The following VIM variants were observed in gnomAD, a reference collection of about 807,000 sequenced individuals.
The protein encoded by VIM is epididymis secretory sperm binding protein.
In VIM, 18 loss-of-function variants were observed where a neutral mutation model predicts 50.3. The ratio of observed to expected loss-of-function variants is 0.36; its 90% CI spans 0.25 to 0.53. VIM has a LOEUF of 0.53. VIM is among the 20% of genes least tolerant of loss of function. The probability of loss-of-function intolerance (pLI) is 0.91; values close to 1 mark genes in which losing one functional copy is unlikely to be tolerated. For synonymous variants in VIM, 245 were observed against 248.5 expected, an observed-to-expected ratio of 0.99 and a Z score of 0.13; for missense variants, 551 against 614.7, an observed-to-expected ratio of 0.90 and a Z score of 1.10.
chr10:17,234,541 A>G, intron 5 of VIM, 152 bp from the exon 6 acceptor site: 3 of 1,069,174 alleles, frequency 2.8e-6, no homozygotes, highest in Non-Finnish European at 4.1e-6. Flanking sequence ...GAAAATACTA[A>G]TGTCAGTACT....
chr10:17,234,821 G>A lies in VIM; in HGVS notation c.1008+3G>A. 3.1e-6 allele frequency: 5 copies of A among 1,614,106 alleles called. No individual in the cohort carries two copies. The highest frequency in any genetic ancestry group is 1.1e-5 in the South Asian group (1 of 91,080). ...AAGTGGATGCCCTTAAAGGAACCGT[G>A]AGTACCAACCCTGCAGTAAAAGAGG... On this transcript the variant is annotated splice_donor_region_variant and intron_variant, in intron 6 of 9. Transcript: ENST00000544301.
intron 6 of VIM, 137 bp downstream of exon 6, chr10:17,234,955 A>C (rs1846861580): frequency 2.2e-6 from 3 of 1,371,884 alleles, no homozygotes; most frequent in Non-Finnish European, 3.0e-6. Context: ...ATCAAGACAG[A>C]CTCAAAAGGG....
chr10:17,230,051 C>T, intron 2 of VIM, 66 bp downstream of exon 2: 3 of 1,513,280 alleles, frequency 2.0e-6, no homozygotes, highest in Non-Finnish European at 1.8e-6. Flanking sequence ...GGAACGCCCC[C>T]CCGGCCCCCG....
At chr10:17,235,527 GAATTTGAATTGAGAGAGAGTAAGTGA>G in intron 7 of VIM, 138 bp downstream of exon 7, 1 of 952,096 alleles carries the variant, frequency 1.1e-6, no homozygotes, top group Non-Finnish European at 1.6e-6. Context: ...TGTAGAGGAG[GAATTTGAATTGAGAGAGAGTAAGTGA>G]CTTGCTGAAA....
At chr10:17,230,441 G>C in intron 2 of VIM, 1 of 677,788 alleles carries the variant, frequency 1.5e-6, no homozygotes. Context: ...CTGTAGGTCT[G>C]TGCGGCCACC....
Position 17,233,612 on chromosome 10 carries a change from G to A in VIM, c.650G>A (p.Arg217His), listed in dbSNP as rs762391438. ...GATGTTGACAATGCGTCTCTGGCAC[G>A]TCTTGACCTTGAACGCAAAGTGGAA... ...RQDVDNASLA[R>H]LDLERKVESL... The change falls in exon 4 of 10, where the codon CGT (arginine) becomes CAT (histidine). Residue 217 changes from arginine to histidine, a missense_variant. Physicochemically the swap from Arg to His is conservative, Grantham distance 29. Coordinates refer to ENST00000544301, the MANE Select transcript of VIM (RefSeq NM_003380.5). The A allele has an allele frequency of 1.3e-5, 21 of 1,614,002 alleles. No homozygotes were observed. The highest frequency in any genetic ancestry group is 6.7e-5 in the East Asian group (3 of 44,892).
Position 17,236,376 on chromosome 10 carries a change from A to G in VIM, c.1356A>G (p.Gly452=). The change falls in exon 9 of 10, where the codon GGA becomes GGG. Residue 452 remains glycine, a synonymous_variant. Coordinates refer to ENST00000544301, the MANE Select transcript of VIM (RefSeq NM_003380.5). ...TTAAGACGGTTGAAACTAGAGATGG[A>G]CAGGTTGGTATCTTTTAAGGAAAAA... ...LLIKTVETRD[G]QVINETSQHH... 6.2e-7 allele frequency: 1 copy of G among 1,610,128 alleles called. No homozygotes were observed. Among genetic ancestry groups the G allele is most frequent in the Non-Finnish European group, 8.5e-7 (1 of 1,176,412 alleles).
At chr10:17,234,543 G>A (rs1208753259) in intron 5 of VIM, 150 bp from the exon 6 acceptor site, 2 of 1,092,312 alleles carry the variant, frequency 1.8e-6, no homozygotes, top group Non-Finnish European at 2.7e-6. Flanking sequence ...AAATACTAAT[G>A]TCAGTACTCC....
chr10:17,230,316 T>G lies in VIM; in HGVS notation c.563+331T>G, dbSNP rs915840202. On this transcript the variant is annotated intron_variant, in intron 2 of 9. Transcript: ENST00000544301. ...CAGTCCTCCAAACTTTCAGAAAGTTTCCTGCCCCTTCTGGCAGGCTGCCAA... is the reference window on the plus strand; with the variant it reads ...CAGTCCTCCAAACTTTCAGAAAGTTGCCTGCCCCTTCTGGCAGGCTGCCAA... 1.2e-5 allele frequency: 7 copies of G among 567,488 alleles called. No individual in the cohort carries two copies. The African/African-American group carries it at 1.3e-4, about 11-fold the overall frequency. The allele number at this position is 567,488 out of a possible 1,614,324, so 35.2% of individuals were successfully genotyped here. A position where few individuals can be genotyped will look rare whatever the true frequency, so the allele number is the denominator to read the frequency against.
chr10:17,230,817 G>C, intron 3 of VIM, 107 bp downstream of exon 3: 1 of 1,323,094 alleles, frequency 7.6e-7, no homozygotes, highest in Non-Finnish European at 1.1e-6. Flanking sequence ...AAAACTTCAG[G>C]GCTGCGCGTA....
chr10:17,236,461 T>C (rs1846891212), intron 9 of VIM, 82 bp downstream of exon 9: 4 of 1,182,010 alleles, frequency 3.4e-6, no homozygotes, highest in Admixed American at 1.7e-5. Context: ...GAATCTCAGA[T>C]ACAGCTGGCT....
At position 17,229,568 on chromosome 10, in the gene VIM, G is replaced by A. The variant is rs1312761190; in HGVS notation, c.146G>A (p.Ser49Asn). The change falls in exon 2 of 10, where the codon AGC becomes AAC. Residue 49 changes from serine (S) to asparagine (N), a missense_variant. Ser to Asn is a conservative substitution (Grantham distance 46). This residue lies in a region of VIM where 134 missense variants were observed against 126.4 expected (regional missense o/e 1.06). Transcript: ENST00000544301. The part of the protein sequence containing the change: ...SLGSALRPST[S>N]RSLYASSPGG... ...GGCAGCGCGCTGCGCCCCAGCACCAGCCGCAGCCTCTACGCCTCGTCCCCG... is the reference window on the plus strand; with the variant it reads ...GGCAGCGCGCTGCGCCCCAGCACCAACCGCAGCCTCTACGCCTCGTCCCCG... 6.2e-7 allele frequency: 1 copy of A among 1,608,906 alleles called. No individual in the cohort carries two copies. Among genetic ancestry groups the A allele is most frequent in the Non-Finnish European group, 8.5e-7 (1 of 1,178,694 alleles).
chr10:17,236,256 C>T, intron 8 of VIM, 38 bp from the exon 9 acceptor site: 1 of 1,489,108 alleles, frequency 6.7e-7, no homozygotes, highest in Non-Finnish European at 9.4e-7. Context: ...CAAGAAAAAA[C>T]TCGTTTTTAC....
intron 3 of VIM, among the ~76,000 whole-genome samples, chr10:17,231,330 G>T (rs1846793532): frequency 6.9e-6 from 1 of 145,854 alleles, no homozygotes; most frequent in African/African-American, 2.4e-5. Context: ...GTATCACTAT[G>T]CACAACTATT....
intron 6 of VIM, 135 bp from the exon 7 acceptor site, chr10:17,235,034 C>T (rs1289842013): frequency 2.0e-5 from 24 of 1,188,494 alleles, no homozygotes; most frequent in Middle Eastern, 2.7e-4. Flanking sequence ...ACTTGGTACT[C>T]GCATTCTCCA....
chr10:17,236,082 C>G, intron 8 of VIM, 193 bp downstream of exon 8: 4 of 722,626 alleles, frequency 5.5e-6, no homozygotes, highest in Non-Finnish European at 9.4e-6. Context: ...CTCCTTTTTC[C>G]TTCTTCCTGC....
chr10:17,232,190 G>C (rs1204779622), intron 3 of VIM, among the ~76,000 whole-genome samples: 1 of 151,946 alleles, frequency 6.6e-6, no homozygotes, highest in Admixed American at 6.6e-5. Flanking sequence ...TATTTTTCAG[G>C]GCTTAACAAG....
chr10:17,232,832 A>G (rs1846819882), intron 3 of VIM, among the ~76,000 whole-genome samples: 2 of 152,274 alleles, frequency 1.3e-5, no homozygotes, highest in Admixed American at 6.5e-5. Flanking sequence ...TCAAGTGTAC[A>G]TGAAGTTGTG....
chr10:17,230,547 C>T (rs989288081), intron 2 of VIM, 103 bp from the exon 3 acceptor site: 2 of 1,319,120 alleles, frequency 1.5e-6, no homozygotes, highest in Non-Finnish European at 2.2e-6. Flanking sequence ...GGAGGTGGCG[C>T]AGCTGCTCTG....
Sources: gnomAD v4.1 joint callset for allele counts (sites outside exome capture counted in the v4.1 genomes callset) on GRCh38, gnomAD v4.1.1 for gene constraint, gnomAD v4.1.1 regional missense constraint, MANE v1.5 for transcripts, NCBI Gene and HGNC (gene_info 2026-07-23, HGNC 2026-07-21) for gene names.